NFATC1: variants seen among roughly 807,000 people sequenced by gnomAD.
NFATC1 encodes nuclear factor of activated T-cells, cytoplasmic 1.
NFATC1 carries 22 observed loss-of-function variants against 76.0 expected under a neutral mutation model. The ratio of observed to expected loss-of-function variants is 0.29; its 90% confidence interval spans 0.21 to 0.41. NFATC1 has a LOEUF of 0.41. Among genes scored for constraint, NFATC1 ranks in the 10% least tolerant of loss-of-function variants. NFATC1 has a pLI of 1.00. For synonymous variants in NFATC1, 704 were observed against 613.1 expected (o/e 1.15, Z -2.19); for missense variants, 1,357 against 1,337.7 (o/e 1.01, Z -0.23).
intron 2 of NFATC1, chr18:79,422,128 C>T (rs1450382344): frequency 1.3e-5 from 2 of 152,298 alleles, no homozygotes; most frequent in South Asian, 2.1e-4. Context: ...CCCAAGTTTC[C>T]CGTAGGTCCA....
intron 3 of NFATC1, among the ~76,000 whole-genome samples, chr18:79,447,209 C>T (rs1056607048): frequency 7.9e-5 from 12 of 152,236 alleles, no homozygotes; most frequent in South Asian, 2.1e-4. Flanking sequence ...GCCGCCTCTT[C>T]GCCTGCCCGG....
chr18:79,450,930 G>T (rs755044860), intron 4 of NFATC1, 24 bp from the exon 5 acceptor site: 1 of 1,604,378 alleles, frequency 6.2e-7, no homozygotes, highest in African/African-American at 1.3e-5. Context: ...TGAAAGAAAA[G>T]CTGTGGGCTT....
chr18:79,410,619 T>C lies in NFATC1; in HGVS notation c.344T>C (p.Leu115Pro). ...GHTRPDGAPA[L>P]ESPRIEITSC... is the part of the protein sequence containing the mutation. ...ACCAGGCCTGATGGGGCCCCTGCCC[T>C]GGAGAGTCCTCGCATCGAGATAACC... Residue 115 changes from leucine to proline, a missense_variant, in exon 2 of 10, where the codon CTG (leucine) becomes CCG (proline). This residue lies in a region of NFATC1 where 691 missense variants were observed against 613.1 expected (regional missense o/e 1.13). Transcript: ENST00000427363. The surrounding 1 kb of genome is among the most constrained non-coding windows in gnomAD (Gnocchi z 6.7). The C allele has an allele frequency of 3.1e-6, 5 of 1,613,094 alleles. No individual in the cohort carries two copies. Among genetic ancestry groups the C allele is most frequent in the Non-Finnish European group, 4.2e-6 (5 of 1,180,000 alleles).
Position 79,451,704 on chromosome 18 carries a change from G to A in NFATC1, c.1791G>A (p.Leu597=), listed in dbSNP as rs1260866732. 1.9e-6 allele frequency: 3 copies of A among 1,612,108 alleles called. No individual in the cohort carries two copies. The highest frequency in any genetic ancestry group is 2.5e-6 in the Non-Finnish European group (3 of 1,179,362). The change falls in exon 6 of 10, where the codon CTG becomes CTA. Residue 597 remains leucine, a synonymous_variant. Transcript: ENST00000427363. ...AGCGCTCAGCTCAGGAGCTGCCTCT[G>A]GTGGAGAAGCAGAGCACGGACAGCT... The part of the protein sequence containing the change: ...CSQRSAQELP[L]VEKQSTDSYP...
rs1031975551 is a variant in NFATC1 at position 79,510,394 on chromosome 18, G to A, written c.2783-17134G>A. 2.6e-5 allele frequency among the ~76,000 whole-genome samples: 4 copies of A among 152,358 alleles called. No individual in the cohort carries two copies. In the South Asian group the frequency reaches 6.2e-4, roughly 24 times the overall value. On this transcript the variant is annotated intron_variant, in intron 9 of 9. Transcript: ENST00000427363. ...AATCGGAGTAGGGAGAGGGAGAACA[G>A]TTGAAGCGAGAAGTTAAATAATTCA...
rs182996479 is a variant in NFATC1, at chr18:79,473,572, C to T, written c.2092+5990C>T. Among the ~76,000 whole-genome samples the T allele has an allele frequency of 9.8e-3, 1,432 of 146,106 alleles. 16 individuals carry two copies. The highest frequency in any genetic ancestry group is 0.025 in the South Asian group (113 of 4,568). On this transcript the variant is annotated intron_variant, in intron 8 of 9. Coordinates refer to ENST00000427363, the MANE Select transcript of NFATC1 (RefSeq NM_001278669.2). ...TAAACCTGAGGGAAGCGTGTTCTCG[C>T]GCTCACTGTCGACGTTGTAAACCTG...
At chr18:79,507,186 C>A (rs1337493707) in intron 9 of NFATC1, among the ~76,000 whole-genome samples, 4 of 152,256 alleles carry the variant, frequency 2.6e-5, no homozygotes, top group Admixed American at 6.5e-5. Flanking sequence ...CCCAGACAGG[C>A]CCTATCAGGC....
At chr18:79,421,169 T>C (rs1475824987) in intron 2 of NFATC1, 4 of 152,284 alleles carry the variant, frequency 2.6e-5, no homozygotes, top group South Asian at 2.1e-4. Flanking sequence ...GTTCTGATGT[T>C]GGTGTGCAAA....
At chr18:79,412,946 C>A (rs146526684) in intron 2 of NFATC1, among the ~76,000 whole-genome samples, 12 of 152,304 alleles carry the variant, frequency 7.9e-5, no homozygotes, top group African/African-American at 2.9e-4. Context: ...TCACAACGAG[C>A]CTGTGTCAGG....
chr18:79,422,261 C>CTGGTTT (rs954466505), intron 2 of NFATC1: 3 of 152,266 alleles, frequency 2.0e-5, no homozygotes, highest in Admixed American at 6.5e-5. Context: ...TATGACATTT[C>CTGGTTT]TGGTTTTGGT....
chr18:79,465,726 A>G lies in NFATC1; in HGVS notation c.1960-1724A>G, dbSNP rs553339544. 2.0e-5 allele frequency among the ~76,000 whole-genome samples: 3 copies of G among 152,318 alleles called. No individual in the cohort carries two copies. Among genetic ancestry groups the G allele is most frequent in the South Asian group, 2.1e-4 (1 of 4,832 alleles). Reference sequence around the variant, plus strand: ...CCCACCTGGTGTAGCTGCTGACTCCATCGCAGCTGCCCTGAGCACTGCTGA... The same window carrying G: ...CCCACCTGGTGTAGCTGCTGACTCCGTCGCAGCTGCCCTGAGCACTGCTGA... On this transcript the variant is annotated intron_variant, in intron 7 of 9. Coordinates refer to ENST00000427363, the MANE Select transcript of NFATC1 (RefSeq NM_001278669.2). The surrounding 1 kb of genome is among the most constrained non-coding windows in gnomAD (Gnocchi z 4.2).
At chr18:79,526,420 G>A (rs373679365) in intron 9 of NFATC1, among the ~76,000 whole-genome samples, 22 of 152,256 alleles carry the variant, frequency 1.4e-4, no homozygotes, top group East Asian at 9.6e-4. Context: ...GGGAGCCCAC[G>A]CGTGCCTGTG....
In NFATC1 at chr18:79,487,266, G is replaced by A. The variant is rs559369768; in HGVS notation, c.2782+329G>A. ...TGCTTCTGCAGCTGAATATGGAGCC[G>A]CACGGCTCAGGCTCAAAGCCCTGAC... On this transcript the variant is annotated intron_variant, in intron 9 of 9. Transcript: ENST00000427363. 1.2e-4 allele frequency among the ~76,000 whole-genome samples: 19 copies of A among 152,306 alleles called. No individual in the cohort carries two copies. In the South Asian group the frequency reaches 2.1e-3, roughly 17 times the overall value.
chr18:79,438,532 C>T (rs188995534), intron 3 of NFATC1, among the ~76,000 whole-genome samples: 199 of 152,336 alleles, frequency 1.3e-3, no homozygotes, highest in African/African-American at 4.4e-3. Flanking sequence ...ACCCATCACA[C>T]GGGAGGCCGG....
intron 3 of NFATC1, among the ~76,000 whole-genome samples, chr18:79,438,266 A>G (rs1320079751): frequency 1.3e-5 from 2 of 152,138 alleles, no homozygotes; most frequent in African/African-American, 4.8e-5. Flanking sequence ...TCCTCACATG[A>G]GTCAACCCGT....
At chr18:79,482,275 C>T (rs566655839) in intron 8 of NFATC1, among the ~76,000 whole-genome samples, 1 of 142,248 alleles carries the variant, frequency 7.0e-6, no homozygotes, top group Admixed American at 7.1e-5. Context: ...GGTGTAATTC[C>T]AGTGTGACCT....
At chr18:79,492,091 A>C (rs1291570767) in intron 9 of NFATC1, among the ~76,000 whole-genome samples, 1 of 152,202 alleles carries the variant, frequency 6.6e-6, no homozygotes, top group African/African-American at 2.4e-5. Context: ...TGTGGAGTTA[A>C]AAGGCAATAA....
chr18:79,421,293 C>T (rs1215675206), intron 2 of NFATC1: 2 of 152,336 alleles, frequency 1.3e-5, no homozygotes, highest in Non-Finnish European at 2.9e-5. Flanking sequence ...CTCGAGGGTT[C>T]CCTGACACCA....
intron 3 of NFATC1, 69 bp from the exon 4 acceptor site, chr18:79,448,713 C>G: frequency 6.5e-7 from 1 of 1,527,108 alleles, no homozygotes; most frequent in Non-Finnish European, 8.9e-7. Flanking sequence ...CAGGTTTTCT[C>G]TGCGTTCCGG....
Sources: gnomAD v4.1 joint callset for allele counts (sites outside exome capture counted in the v4.1 genomes callset) on GRCh38, gnomAD v4.1.1 for gene constraint, gnomAD v4.1.1 regional missense constraint, Gnocchi (gnomAD v3.1) non-coding constraint, MANE v1.5 for transcripts, NCBI Gene and HGNC (gene_info 2026-07-23, HGNC 2026-07-21) for gene names.